The following ATP10A variants were observed in gnomAD, a reference collection of about 807,000 sequenced individuals.
ATP10A encodes the protein ATPase phospholipid transporting 10A (putative), also known as phospholipid-transporting ATPase VA.
In ATP10A, 111 loss-of-function variants were observed where a neutral mutation model predicts 147.8. The ratio of observed to expected loss-of-function variants is 0.75; its 90% CI spans 0.64 to 0.88. The LOEUF (loss-of-function observed/expected upper bound fraction) is 0.88. Ranked by LOEUF, ATP10A falls within the 40% of genes least tolerant of loss-of-function variation. The pLI is 0.00. For synonymous variants in ATP10A, 875 were observed against 841.6 expected (o/e 1.04, Z -0.69); for missense variants, 1,927 against 1,959.0 (o/e 0.98, Z 0.31).
At chr15:25,810,632 C>T (rs570992149) in intron 1 of ATP10A, among the ~76,000 whole-genome samples, 44 of 152,260 alleles carry the variant, frequency 2.9e-4, no homozygotes, top group African/African-American at 9.9e-4. Context: ...TACCTGCCTA[C>T]AAAAGGCACA....
chr15:25,811,938 G>A (rs1338793172), intron 1 of ATP10A, among the ~76,000 whole-genome samples: 5 of 152,222 alleles, frequency 3.3e-5, no homozygotes, highest in Non-Finnish European at 5.9e-5. Context: ...GCACACGGCT[G>A]GAAGCTGCCA....
At chr15:25,845,226 G>A (rs1316691424) in intron 1 of ATP10A, among the ~76,000 whole-genome samples, 2 of 152,186 alleles carry the variant, frequency 1.3e-5, no homozygotes, top group Non-Finnish European at 2.9e-5. Context: ...CAGACTGAAT[G>A]TATTAACGAA....
chr15:25,828,656 T>C (rs1049434710), intron 1 of ATP10A, among the ~76,000 whole-genome samples: 1 of 152,166 alleles, frequency 6.6e-6, no homozygotes, highest in Non-Finnish European at 1.5e-5. Context: ...TAGAGGGAAA[T>C]TTAACATCCC....
chr15:25,740,332 T>C (rs536125376), intron 2 of ATP10A, among the ~76,000 whole-genome samples: 3 of 152,334 alleles, frequency 2.0e-5, no homozygotes, highest in Middle Eastern at 3.4e-3. Context: ...AGGTGCACAC[T>C]TGGGTCATCT....
chr15:25,696,125 C>T (rs571722647), intron 13 of ATP10A, among the ~76,000 whole-genome samples: 2 of 152,270 alleles, frequency 1.3e-5, no homozygotes, highest in East Asian at 1.9e-4. Context: ...CTCCGCAGAC[C>T]GTGAGTCTGC....
At chr15:25,839,619 C>T (rs1596983129) in intron 1 of ATP10A, among the ~76,000 whole-genome samples, 1 of 152,216 alleles carries the variant, frequency 6.6e-6, no homozygotes, top group African/African-American at 2.4e-5. Flanking sequence ...CTGGGCACTC[C>T]GTTGGCAGGA....
chr15:25,803,160 C>T (rs559534451), intron 1 of ATP10A, among the ~76,000 whole-genome samples: 7 of 152,250 alleles, frequency 4.6e-5, no homozygotes, highest in South Asian at 2.1e-4. Flanking sequence ...AGGAGGGAGA[C>T]GGGTAATAAG....
chr15:25,765,534 A>G (rs1482741290), intron 2 of ATP10A, among the ~76,000 whole-genome samples: 2 of 152,124 alleles, frequency 1.3e-5, no homozygotes, highest in Non-Finnish European at 2.9e-5. Flanking sequence ...CCGCGGCACT[A>G]CAGCTGTCCT....
chr15:25,776,129 G>A (rs1264760234), intron 2 of ATP10A, among the ~76,000 whole-genome samples: 1 of 152,198 alleles, frequency 6.6e-6, no homozygotes, highest in Non-Finnish European at 1.5e-5. Context: ...TGAAAACACT[G>A]AGTTTTATAT....
intron 1 of ATP10A, among the ~76,000 whole-genome samples, chr15:25,791,175 G>C (rs986980465): frequency 6.6e-6 from 1 of 150,594 alleles, no homozygotes; most frequent in East Asian, 2.0e-4. Context: ...CCGGCTTCTG[G>C]GTTCAGCAAT....
At chr15:25,712,822 G>T (rs570717241) in intron 10 of ATP10A, among the ~76,000 whole-genome samples, 103 of 152,208 alleles carry the variant, frequency 6.8e-4, no homozygotes, top group African/African-American at 2.3e-3. Context: ...TCTGTGATGG[G>T]GACATGGATT....
chr15:25,721,998 C>T (rs1386505465), intron 6 of ATP10A, 89 bp from the exon 7 acceptor site: 32 of 1,404,840 alleles, frequency 2.3e-5, no homozygotes, highest in Non-Finnish European at 3.0e-5. Flanking sequence ...CAAATGACTA[C>T]AACCGCAAGA....
chr15:25,761,371 T>C (rs962455838), intron 2 of ATP10A, among the ~76,000 whole-genome samples: 2 of 152,236 alleles, frequency 1.3e-5, no homozygotes, highest in Admixed American at 6.5e-5. Context: ...TGACTCACAC[T>C]TACCACAGAG....
chr15:25,726,935 T>G (rs57762931), intron 4 of ATP10A, among the ~76,000 whole-genome samples: 30,822 of 147,658 alleles, frequency 0.21, 3,987 homozygotes, highest in African/African-American at 0.34. Flanking sequence ...CGGGCGCCTG[T>G]AGTCCCAGCT....
intron 15 of ATP10A, among the ~76,000 whole-genome samples, chr15:25,690,897 C>G (rs1899995513): frequency 6.6e-6 from 1 of 152,114 alleles, no homozygotes; most frequent in African/African-American, 2.4e-5. Flanking sequence ...TGTCAAGGAC[C>G]AGCCGTGACG....
rs35892408 is a variant in ATP10A at position 25,786,617 on chromosome 15, C to CTTTT, written c.450-5398_450-5395dup. On this transcript the variant is annotated intron_variant, in intron 1 of 20. Transcript: ENST00000555815. ...CTCAGCATTGAGACATCATTATCAT[C>CTTTT]TTTTTTTTTTTTTTTTTTTTTTTTT... Among the ~76,000 whole-genome samples, 671 of 68,900 alleles carry CTTTT rather than the reference C, an allele frequency of 9.7e-3. 155 individuals carry two copies. Among genetic ancestry groups the CTTTT allele is most frequent in the African/African-American group, 0.036 (571 of 15,922 alleles). The allele number at this position is 68,900 out of a possible 152,430, so 45.2% of individuals were successfully genotyped here.
At chr15:25,752,290 T>A (rs1888193923) in intron 2 of ATP10A, among the ~76,000 whole-genome samples, 1 of 152,202 alleles carries the variant, frequency 6.6e-6, no homozygotes, top group African/African-American at 2.4e-5. Context: ...AAATGTGGTA[T>A]AGATACACAA....
chr15:25,854,933 G>T (rs1314097835), intron 1 of ATP10A, among the ~76,000 whole-genome samples: 2 of 152,074 alleles, frequency 1.3e-5, no homozygotes, highest in African/African-American at 2.4e-5. Context: ...TGTGATGCCT[G>T]CCTGTAATCC....
At position 25,827,745 on chromosome 15, in the gene ATP10A, C is replaced by T. The variant is rs74004308; in HGVS notation, c.449+34903G>A. 3.3e-4 allele frequency among the ~76,000 whole-genome samples: 50 copies of T among 152,092 alleles called. 1 individual carries two copies. Among genetic ancestry groups the T allele is most frequent in the Admixed American group, 9.2e-4 (14 of 15,268 alleles). On this transcript the variant is annotated intron_variant, in intron 1 of 20. Transcript: ENST00000555815. ...ATGGAGGAACAGACAAATAAAAATA[C>T]CTAAGACATAAAGACTGCAAATAGC...
Sources: allele counts gnomAD v4.1 joint callset (sites outside exome capture counted in the v4.1 genomes callset), GRCh38; gene constraint gnomAD v4.1.1; transcripts MANE v1.5; gene names NCBI Gene and HGNC (gene_info 2026-07-23, HGNC 2026-07-21).